Variants in SLC26A7 observed in about 807,000 individuals in gnomAD.
SLC26A7 encodes solute carrier family 26 member 7.
Under a neutral mutation model 82.5 loss-of-function variants are expected in SLC26A7, and 59 were observed. The observed-to-expected ratio is 0.72, with a 90% CI of 0.58 to 0.89. The LOEUF (loss-of-function observed/expected upper bound fraction) is 0.89, where lower values mean the gene tolerates loss of function less well. Among genes scored for constraint, SLC26A7 ranks in the 40% least tolerant of loss-of-function variants. SLC26A7 has a pLI of 0.00. For missense variants in SLC26A7, 820 were observed against 793.0 expected (o/e 1.03, Z -0.41); for synonymous variants, 271 against 274.3 (o/e 0.99, Z 0.12).
intron 2 of SLC26A7, among the ~76,000 whole-genome samples, chr8:91,277,421 A>G (rs1036573607): frequency 1.1e-4 from 16 of 152,174 alleles, no homozygotes; most frequent in African/African-American, 3.6e-4. Flanking sequence ...ATGCTCATAT[A>G]TTTTTGTAAA....
At chr8:91,360,194 A>G (rs889884620) in intron 11 of SLC26A7, among the ~76,000 whole-genome samples, 1 of 152,180 alleles carries the variant, frequency 6.6e-6, no homozygotes, top group African/African-American at 2.4e-5. Flanking sequence ...TACAACAGAT[A>G]GGCTGGGGGA....
chr8:91,235,911 A>G (rs1438749279), intron 2 of SLC26A7, among the ~76,000 whole-genome samples: 1 of 152,202 alleles, frequency 6.6e-6, no homozygotes, highest in African/African-American at 2.4e-5. Flanking sequence ...CCTAAAAGCT[A>G]CTTGGGATTC....
chr8:91,331,184 T>C (rs1404906335), intron 5 of SLC26A7, among the ~76,000 whole-genome samples: 1 of 152,132 alleles, frequency 6.6e-6, no homozygotes, highest in Non-Finnish European at 1.5e-5. Flanking sequence ...TCTGAGGCAC[T>C]GGGGGTTAGG....
chr8:91,394,214 T>C (rs1808502445), intron 18 of SLC26A7, 175 bp downstream of exon 18: 1 of 1,613,314 alleles, frequency 6.2e-7, no homozygotes, highest in Non-Finnish European at 8.5e-7. Context: ...CATTCTTTTT[T>C]TAGGCCAGTT....
intron 15 of SLC26A7, among the ~76,000 whole-genome samples, chr8:91,379,177 TA>T (rs1350483768): frequency 6.6e-6 from 1 of 152,080 alleles, no homozygotes; most frequent in Non-Finnish European, 1.5e-5. Context: ...TAAATATTTA[TA>T]AATAAATGGA....
chr8:91,264,485 G>A (rs2130722435), intron 2 of SLC26A7, among the ~76,000 whole-genome samples: 1 of 152,048 alleles, frequency 6.6e-6, no homozygotes, highest in East Asian at 1.9e-4. Flanking sequence ...GAATAAACCT[G>A]GAAAACCAAA....
chr8:91,340,355 A>G lies in SLC26A7; in HGVS notation c.879-49A>G, dbSNP rs752074478. On this transcript the variant is annotated intron_variant, in intron 7 of 18. Transcript: ENST00000276609. ...AGTTAAATTCATTGCAAGTTGTTAC[A>G]GAAATTACATGAAGTTTGATGACTT... 1.2e-5 allele frequency: 19 copies of G among 1,591,396 alleles called. No homozygotes were observed. The South Asian group carries it at 2.1e-4, about 18-fold the overall frequency.
intron 4 of SLC26A7, among the ~76,000 whole-genome samples, chr8:91,304,105 C>T (rs1369692218): frequency 6.6e-6 from 1 of 152,142 alleles, no homozygotes. Flanking sequence ...AAGCTCTGTT[C>T]TAAGCTTACT....
At chr8:91,219,813 G>A (rs1240640305) in intron 2 of SLC26A7, among the ~76,000 whole-genome samples, 1 of 152,114 alleles carries the variant, frequency 6.6e-6, no homozygotes, top group Non-Finnish European at 1.5e-5. Context: ...AACCCTCCAC[G>A]TGATCTCTTT....
rs1810381647 is a variant in SLC26A7 at position 91,235,454 on chromosome 8, A to G, written c.-33-14165A>G. 2.0e-5 allele frequency among the ~76,000 whole-genome samples: 3 copies of G among 152,198 alleles called. No homozygotes were observed. In the South Asian group the frequency reaches 6.2e-4, roughly 31 times the overall value. ...CATATCTTTACTCATTTAGATCAAG[A>G]CGAAAAGAGAAAAATCAGAATTCCC... On this transcript the variant is annotated intron_variant, in intron 2 of 5. Transcript: ENST00000522862.
chr8:91,260,049 A>G (rs902277422), intron 2 of SLC26A7, among the ~76,000 whole-genome samples: 4 of 152,078 alleles, frequency 2.6e-5, no homozygotes, highest in Non-Finnish European at 4.4e-5. Flanking sequence ...TATAGCATTT[A>G]TTTTTGATTC....
intron 2 of SLC26A7, among the ~76,000 whole-genome samples, chr8:91,263,793 A>C (rs981020230): frequency 2.6e-5 from 4 of 151,780 alleles, no homozygotes; most frequent in Admixed American, 2.6e-4. Context: ...GTAAATATTT[A>C]TTTACTCTGG....
At position 91,343,399 on chromosome 8, in the gene SLC26A7, T is replaced by C; in HGVS notation, c.1073T>C (p.Phe358Ser). ...GLSNIVSSFF[F>S]CIPSAAAMGR... ...AGCAATATAGTTTCTTCATTTTTCT[T>C]CTGCATACCAAGTGCTGCTGCCATG... The change falls in exon 9 of 19, where the codon TTC (phenylalanine) becomes TCC (serine). Residue 358 changes from phenylalanine to serine, a missense_variant. Coordinates refer to ENST00000276609, the MANE Select transcript of SLC26A7 (RefSeq NM_052832.4). 1 of 1,613,040 alleles carries C rather than the reference T, an allele frequency of 6.2e-7. No individual in the cohort carries two copies. The highest frequency in any genetic ancestry group is 8.5e-7 in the Non-Finnish European group (1 of 1,179,794).
At position 91,367,960 on chromosome 8, in the gene SLC26A7, C is replaced by T. The variant is rs73307607; in HGVS notation, c.1626+1243C>T. On this transcript the variant is annotated intron_variant, in intron 14 of 18. Transcript: ENST00000276609. ...CCTTTGGGCCTTACCCTAATTTGTA[C>T]CATAGAAACCTTATATACAGGATCA... Among the ~76,000 whole-genome samples, 306 of 152,240 alleles carry T rather than the reference C, an allele frequency of 2.0e-3. 1 individual carries two copies. Among genetic ancestry groups the T allele is most frequent in the African/African-American group, 7.1e-3 (296 of 41,510 alleles).
intron 5 of SLC26A7, among the ~76,000 whole-genome samples, chr8:91,319,718 A>G (rs1812738270): frequency 6.6e-6 from 1 of 152,196 alleles, no homozygotes; most frequent in Non-Finnish European, 1.5e-5. Flanking sequence ...CAAAGCAGTG[A>G]TAGTTTCTGT....
At position 91,389,421 on chromosome 8, in the gene SLC26A7, G is replaced by A; in HGVS notation, c.1759G>A (p.Val587Ile). Residue 587 changes from valine (V) to isoleucine (I), a missense_variant, in exon 16 of 19, where the codon GTC (valine) becomes ATC (isoleucine). Transcript: ENST00000276609. Reference sequence around the variant, plus strand: ...ATTTACCTTTTTTGACTATTCTGGAGTCTCCATGCTTGTTGAGGTATTTAT... The same window carrying A: ...ATTTACCTTTTTTGACTATTCTGGAATCTCCATGCTTGTTGAGGTATTTAT... ...SGFTFFDYSGVSMLVEVYMDC... is the reference protein window; with the variant it reads ...SGFTFFDYSGISMLVEVYMDC... The A allele has an allele frequency of 6.2e-7, 1 of 1,612,584 alleles. No homozygotes were observed. Among genetic ancestry groups the A allele is most frequent in the Non-Finnish European group, 8.5e-7 (1 of 1,178,606 alleles).
chr8:91,337,219 G>GA (rs146939901), intron 6 of SLC26A7, among the ~76,000 whole-genome samples: 2 of 152,036 alleles, frequency 1.3e-5, no homozygotes, highest in South Asian at 2.1e-4. Context: ...AGGAATAGGG[G>GA]AAAAAAACCT....
intron 11 of SLC26A7, among the ~76,000 whole-genome samples, chr8:91,357,733 G>A (rs1813913012): frequency 6.6e-6 from 1 of 152,064 alleles, no homozygotes; most frequent in African/African-American, 2.4e-5. Context: ...CAAAAGCAAT[G>A]GCAACAAAAG....
At chr8:91,311,440 T>TA (rs1439065656) in intron 4 of SLC26A7, among the ~76,000 whole-genome samples, 3 of 151,888 alleles carry the variant, frequency 2.0e-5, no homozygotes, top group African/African-American at 2.4e-5. Flanking sequence ...TTTATATATA[T>TA]ATACACACAC....
Sources: allele counts gnomAD v4.1 joint callset (sites outside exome capture counted in the v4.1 genomes callset), GRCh38; gene constraint gnomAD v4.1.1; transcripts MANE v1.5; gene names NCBI Gene and HGNC (gene_info 2026-07-23, HGNC 2026-07-21).